The following ITK variants were observed in gnomAD, a reference collection of about 807,000 sequenced individuals.
The protein encoded by ITK is IL2 inducible T cell kinase, also known as tyrosine-protein kinase ITK/TSK.
ITK carries 45 observed loss-of-function variants against 87.6 expected under a neutral mutation model. That is an observed-to-expected ratio of 0.51 (90% CI 0.40 to 0.66). The LOEUF (loss-of-function observed/expected upper bound fraction) is 0.66. ITK is among the 30% of genes least tolerant of loss of function. ITK has a pLI of 0.00. For missense variants in ITK, 605 were observed against 766.3 expected (o/e 0.79, Z 2.48); for synonymous variants, 303 against 273.6 (o/e 1.11, Z -1.06).
In ITK at chr5:157,184,549, C is replaced by T. The variant is rs536779311; in HGVS notation, c.138+3434C>T. On this transcript the variant is annotated intron_variant, in intron 1 of 16. Coordinates refer to ENST00000422843, the MANE Select transcript of ITK (RefSeq NM_005546.4). ...GAGAGCCTCAGGCACTTTGAGTAAG[C>T]ACAGGATGGAAGAGGCAGCCTAAAT... Among the ~76,000 whole-genome samples, 10 of 152,244 alleles carry T rather than the reference C, an allele frequency of 6.6e-5. No homozygotes were observed. In the South Asian group the frequency reaches 1.9e-3, roughly 28 times the overall value.
chr5:157,241,119 G>A (rs1315944348), intron 10 of ITK: 1 of 153,260 alleles, frequency 6.5e-6, no homozygotes, highest in Non-Finnish European at 1.4e-5. Flanking sequence ...GGTATTTTTT[G>A]TAGAGACAGG....
intron 6 of ITK, among the ~76,000 whole-genome samples, chr5:157,223,761 A>C (rs564169565): frequency 2.6e-5 from 4 of 152,178 alleles, no homozygotes; most frequent in Non-Finnish European, 5.9e-5. Context: ...GGTTATCTCC[A>C]ATATTTTGCA....
At chr5:157,216,624 G>T (rs1044222769) in intron 4 of ITK, among the ~76,000 whole-genome samples, 1 of 152,132 alleles carries the variant, frequency 6.6e-6, no homozygotes, top group South Asian at 2.1e-4. Flanking sequence ...TCTCCCCACT[G>T]TGGGGAGGGA....
At chr5:157,199,652 G>A (rs163435) in intron 1 of ITK, 9,722 of 152,292 alleles carry the variant, frequency 0.064, 481 homozygotes, top group African/African-American at 0.14. Flanking sequence ...ATAGAGTGGA[G>A]CTTGTACGCT....
Position 157,228,147 on chromosome 5 carries a change from C to A in ITK, c.648-149C>A, listed in dbSNP as rs1754575131. The A allele has an allele frequency of 1.2e-5, 8 of 645,364 alleles. No homozygotes were observed. In the South Asian group the frequency reaches 1.4e-4, roughly 11 times the overall value. 40.0% of individuals were successfully genotyped at this position (645,364 alleles called of 1,614,324 possible). On this transcript the variant is annotated intron_variant, in intron 6 of 16. Transcript: ENST00000422843. ...AGCCACCGCCCCCGGCCTACCAATT[C>A]TTGTATTCTAAACTTTAAAATGTCT... is the stretch of plus-strand genomic sequence containing the variant.
chr5:157,230,446 C>T (rs747236127), intron 7 of ITK, among the ~76,000 whole-genome samples: 2 of 152,040 alleles, frequency 1.3e-5, no homozygotes, highest in Non-Finnish European at 2.9e-5. Flanking sequence ...CAAATGTGGT[C>T]GTGTTATTTG....
chr5:157,195,824 A>G (rs1753844024), intron 1 of ITK: 1 of 152,256 alleles, frequency 6.6e-6, no homozygotes, highest in South Asian at 2.1e-4. Flanking sequence ...TTATGGTTGC[A>G]TAATACTTCA....
At chr5:157,216,717 C>A (rs1051113387) in intron 4 of ITK, among the ~76,000 whole-genome samples, 1 of 152,156 alleles carries the variant, frequency 6.6e-6, no homozygotes, top group Non-Finnish European at 1.5e-5. Flanking sequence ...GTGGCCAAGG[C>A]TCACAGCTAG....
At chr5:157,238,225 G>T (rs770640503) in intron 9 of ITK, 34 bp downstream of exon 9, 1 of 1,487,876 alleles carries the variant, frequency 6.7e-7, no homozygotes, top group African/African-American at 1.4e-5. Flanking sequence ...AAAGTGGAGA[G>T]AAACACTTCT....
Position 157,243,763 on chromosome 5 carries a change from G to A in ITK, c.1201G>A (p.Glu401Lys). The A allele has an allele frequency of 1.9e-6, 3 of 1,614,118 alleles. No homozygotes were observed. Among genetic ancestry groups the A allele is most frequent in the Non-Finnish European group, 2.5e-6 (3 of 1,180,010 alleles). ...CATTCGGGAAGGGGCTATGTCAGAA[G>A]AGGACTTCATAGAGGAGGCTGAAGT... ...KTIREGAMSE[E>K]DFIEEAEVMM... Residue 401 changes from glutamate (E) to lysine (K), a missense_variant, in exon 12 of 17, where the codon GAG (glutamate) becomes AAG (lysine). Transcript: ENST00000422843.
intron 8 of ITK, among the ~76,000 whole-genome samples, chr5:157,233,002 T>C (rs1754690093): frequency 6.6e-6 from 1 of 152,220 alleles, no homozygotes; most frequent in Non-Finnish European, 1.5e-5. Context: ...TCTAAAGCCA[T>C]GCAGTGTGCA....
Position 157,231,937 on chromosome 5 carries a change from T to C in ITK, c.714-403T>C, listed in dbSNP as rs143709281. On this transcript the variant is annotated intron_variant, in intron 7 of 16. Transcript: ENST00000422843. ...GCACCCTCCTCCTTATAACGAACTG[T>C]CTACTGACTTATGAAACGAAGAGGA... 6.0e-3 allele frequency among the ~76,000 whole-genome samples: 910 copies of C among 152,348 alleles called. 11 individuals carry two copies. Among genetic ancestry groups the C allele is most frequent in the African/African-American group, 0.021 (853 of 41,586 alleles).
chr5:157,229,930 AATAGATTAAAGACAC>A (rs1289673067), intron 7 of ITK, among the ~76,000 whole-genome samples: 3 of 152,174 alleles, frequency 2.0e-5, no homozygotes, highest in East Asian at 3.8e-4. Context: ...AAATAATAGT[AATAGATTAAAGACAC>A]ATGGTAACTA....
At chr5:157,222,766 G>C in intron 5 of ITK, 97 bp from the exon 6 acceptor site, 2 of 1,177,692 alleles carry the variant, frequency 1.7e-6, no homozygotes, top group Middle Eastern at 2.0e-4. Flanking sequence ...AAGTCTACCA[G>C]AGGAAGGCAG....
intron 16 of ITK, among the ~76,000 whole-genome samples, chr5:157,250,861 G>T (rs1755127832): frequency 6.6e-6 from 1 of 152,114 alleles, no homozygotes; most frequent in Non-Finnish European, 1.5e-5. Flanking sequence ...TGGCTTGATA[G>T]CTCATTTCTT....
chr5:157,238,507 A>T (rs2113771272), intron 9 of ITK, among the ~76,000 whole-genome samples: 1 of 152,338 alleles, frequency 6.6e-6, no homozygotes. Flanking sequence ...ATAACAGAAG[A>T]GATATTTCTA....
chr5:157,241,585 A>C, intron 10 of ITK, 61 bp from the exon 11 acceptor site: 8 of 1,127,522 alleles, frequency 7.1e-6, no homozygotes, highest in Non-Finnish European at 1.1e-5. Flanking sequence ...TAGTGATTTA[A>C]GTTAGATGGT....
intron 7 of ITK, among the ~76,000 whole-genome samples, 163 bp from the exon 8 acceptor site, chr5:157,232,177 C>A (rs1365340393): frequency 6.6e-6 from 1 of 152,158 alleles, no homozygotes; most frequent in Non-Finnish European, 1.5e-5. Context: ...CTGGTAGAAA[C>A]ATACGTGTGC....
At chr5:157,223,863 A>G (rs1201375808) in intron 6 of ITK, among the ~76,000 whole-genome samples, 1 of 152,254 alleles carries the variant, frequency 6.6e-6, no homozygotes, top group Non-Finnish European at 1.5e-5. Context: ...ATTTTAAAGT[A>G]TAAAAAAGAA....
Sources: allele counts gnomAD v4.1 joint callset (sites outside exome capture counted in the v4.1 genomes callset), GRCh38; gene constraint gnomAD v4.1.1; transcripts MANE v1.5; gene names NCBI Gene and HGNC (gene_info 2026-07-23, HGNC 2026-07-21).